BTN2A1: variants seen among roughly 807,000 people sequenced by gnomAD.
BTN2A1 encodes butyrophilin, subfamily 2, member A1.
BTN2A1 carries 41 observed loss-of-function variants against 34.5 expected under a neutral mutation model. That is an observed-to-expected ratio of 1.19 (90% CI 0.93 to 1.54). The LOEUF is 1.54. Ranked by LOEUF, BTN2A1 falls within the 40% of genes most tolerant of loss-of-function variation. The probability of loss-of-function intolerance (pLI) is 0.00; values close to 1 mark genes in which losing one functional copy is unlikely to be tolerated. For synonymous variants in BTN2A1, 267 were observed against 258.6 expected (o/e 1.03, Z -0.31); for missense variants, 642 against 662.0 (o/e 0.97, Z 0.33).
downstream of BTN2A1, among the ~76,000 whole-genome samples, chr6:26,473,250 T>G (rs1275327646): frequency 6.6e-6 from 1 of 152,112 alleles, no homozygotes; most frequent in African/African-American, 2.4e-5. Flanking sequence ...CAAGGACCCC[T>G]TACAAAGACA....
Position 26,466,075 on chromosome 6 carries a change from A to G in BTN2A1, c.969A>G (p.Thr323=). 6.2e-7 allele frequency: 1 copy of G among 1,613,958 alleles called. No homozygotes were observed. The highest frequency in any genetic ancestry group is 8.5e-7 in the Non-Finnish European group (1 of 1,180,038). Residue 323 remains threonine, a synonymous_variant, in exon 7 of 8, where the codon ACA becomes ACG. Coordinates refer to ENST00000312541, the MANE Select transcript of BTN2A1 (RefSeq NM_007049.5). ...TGTCCCTTGCAGGATGGAGAAGAAC[A>G]TTCTTACATGCTGGTGAGTGCCTCT... The part of the protein sequence containing the change: ...KLQEELRWRR[T]FLHAVDVVLD...
intron 3 of BTN2A1, among the ~76,000 whole-genome samples, chr6:26,461,359 G>T (rs537176634): frequency 8.5e-5 from 13 of 152,294 alleles, no homozygotes; most frequent in African/African-American, 2.9e-4. Context: ...AATCTATTTT[G>T]TCATGCTTGC....
At chr6:26,472,857 A>G (rs1763475087), downstream of BTN2A1, among the ~76,000 whole-genome samples, 1 of 152,130 alleles carries the variant, frequency 6.6e-6, no homozygotes, top group Admixed American at 6.5e-5. Flanking sequence ...AAGGCAGGAA[A>G]GCTCCCCCTG....
At chr6:26,467,861 A>T (rs746367064) in intron 7 of BTN2A1, 87 bp from the exon 8 acceptor site, 2 of 1,564,598 alleles carry the variant, frequency 1.3e-6, no homozygotes, top group Non-Finnish European at 1.7e-6. Flanking sequence ...CCCTTCAGAG[A>T]TATCTGAGAC....
rs973263035 is a variant in BTN2A1 at position 26,469,586 on chromosome 6, G to C, written c.*1037G>C. On this transcript the variant is annotated 3_prime_UTR_variant, in exon 8 of 8. Coordinates refer to ENST00000312541, the MANE Select transcript of BTN2A1 (RefSeq NM_007049.5). ...ATAGGTTAATATAAGTAGAATGTTT[G>C]TGAAAAATAAGTATGGTATCCAAAG... 6.4e-6 allele frequency: 1 copy of C among 157,188 alleles called. No homozygotes were observed. The highest frequency in any genetic ancestry group is 1.4e-5 in the Non-Finnish European group (1 of 72,642). 9.7% of individuals were successfully genotyped at this position (157,188 alleles called of 1,614,324 possible). A position where few individuals can be genotyped will look rare whatever the true frequency, so the allele number is the denominator to read the frequency against.
intron 3 of BTN2A1, 102 bp from the exon 4 acceptor site, chr6:26,463,142 C>A: frequency 7.4e-7 from 1 of 1,360,336 alleles, no homozygotes. Flanking sequence ...CTATCTCCCT[C>A]TTTTTTACCT....
chr6:26,463,293 C>T lies in BTN2A1; in HGVS notation c.480C>T (p.Gly160=). ...CAATGAGGGGCCATGAAGACGGGGGCATCCGGCTGGAGTGCATATCTAGAG... is the reference window on the plus strand; with the variant it reads ...CAATGAGGGGCCATGAAGACGGGGGTATCCGGCTGGAGTGCATATCTAGAG... The part of the protein sequence containing the change: ...LISMRGHEDG[G]IRLECISRGW... The change falls in exon 4 of 8, where the codon GGC becomes GGT. Residue 160 remains glycine (G), a synonymous_variant. Transcript: ENST00000312541. The T allele has an allele frequency of 6.2e-7, 1 of 1,613,486 alleles. No individual in the cohort carries two copies. Among genetic ancestry groups the T allele is most frequent in the Admixed American group, 1.7e-5 (1 of 59,986 alleles).
chr6:26,469,943 A>G (rs1329152551), downstream of BTN2A1, among the ~76,000 whole-genome samples: 3 of 152,130 alleles, frequency 2.0e-5, no homozygotes, highest in African/African-American at 7.2e-5. Flanking sequence ...TCAGGAGACT[A>G]AAAAGACTAA....
At chr6:26,459,319 T>C (rs1473572459) in intron 2 of BTN2A1, among the ~76,000 whole-genome samples, 162 bp from the exon 3 acceptor site, 1 of 152,226 alleles carries the variant, frequency 6.6e-6, no homozygotes, top group East Asian at 1.9e-4. Flanking sequence ...CTCCCAGGGG[T>C]GCTGTCGACT....
chr6:26,470,756 C>T (rs1246959798), downstream of BTN2A1, among the ~76,000 whole-genome samples: 4 of 152,156 alleles, frequency 2.6e-5, no homozygotes, highest in African/African-American at 9.7e-5. Flanking sequence ...GTCTTTGGGA[C>T]TTATACCAGT....
intron 7 of BTN2A1, among the ~76,000 whole-genome samples, chr6:26,475,839 A>T (rs1218660584): frequency 2.0e-5 from 3 of 152,134 alleles, no homozygotes; most frequent in Non-Finnish European, 2.9e-5. Context: ...AGCATTTATG[A>T]TTGAAGTGAG....
At chr6:26,472,621 A>T (rs1263630806), downstream of BTN2A1, among the ~76,000 whole-genome samples, 1 of 152,120 alleles carries the variant, frequency 6.6e-6, no homozygotes, top group South Asian at 2.1e-4. Context: ...CAAGCAGGGG[A>T]CCTCTGGCCA....
At position 26,468,609 on chromosome 6, in the gene BTN2A1, C is replaced by T. The variant is rs530237137; in HGVS notation, c.*60C>T. 5.0e-6 allele frequency: 8 copies of T among 1,614,186 alleles called. No individual in the cohort carries two copies. The East Asian group carries it at 6.7e-5, about 13-fold the overall frequency. Reference sequence around the variant, plus strand: ...GCCCTGGTCATCTCAGCAGCCACCGCACAACACCCCTGGTGGAAGACACGC... The same window carrying T: ...GCCCTGGTCATCTCAGCAGCCACCGTACAACACCCCTGGTGGAAGACACGC... On this transcript the variant is annotated 3_prime_UTR_variant, in exon 8 of 8. Coordinates refer to ENST00000312541, the MANE Select transcript of BTN2A1 (RefSeq NM_007049.5).
chr6:26,461,025 G>A (rs1191947530), intron 3 of BTN2A1, among the ~76,000 whole-genome samples: 1 of 152,208 alleles, frequency 6.6e-6, no homozygotes, highest in Non-Finnish European at 1.5e-5. Flanking sequence ...GTGAGGACTA[G>A]GGAATTGGGT....
In BTN2A1 at chr6:26,468,751, G is replaced by T. The variant is rs1466070313; in HGVS notation, c.*202G>T. The T allele has an allele frequency of 6.2e-7, 1 of 1,609,782 alleles. No individual in the cohort carries two copies. The highest frequency in any genetic ancestry group is 1.1e-5 in the South Asian group (1 of 90,076). ...AGGCTGTGTTTTTAGTAGTTCCTTT[G>T]CTTGTAACTATGGGATGGGATCCAG... On this transcript the variant is annotated 3_prime_UTR_variant, in exon 8 of 8. Coordinates refer to ENST00000312541, the MANE Select transcript of BTN2A1 (RefSeq NM_007049.5).
At chr6:26,463,864 C>T (rs1763240853) in intron 4 of BTN2A1, among the ~76,000 whole-genome samples, 1 of 151,982 alleles carries the variant, frequency 6.6e-6, no homozygotes, top group African/African-American at 2.4e-5. Context: ...TGCAGTGGCA[C>T]AATCTTGGCT....
At chr6:26,462,989 G>A (rs1037476786) in intron 3 of BTN2A1, 38 of 1,055,410 alleles carry the variant, frequency 3.6e-5, no homozygotes, top group African/African-American at 9.7e-5. Context: ...TAGGTGGACC[G>A]CAAAGAAAAG....
chr6:26,463,738 T>C (rs1763236608), intron 4 of BTN2A1, among the ~76,000 whole-genome samples: 1 of 148,066 alleles, frequency 6.8e-6, no homozygotes, highest in Admixed American at 6.7e-5. Context: ...TCTCTGAGGG[T>C]AAACCTGTTT....
intron 3 of BTN2A1, chr6:26,462,845 G>A: frequency 7.8e-7 from 1 of 1,282,038 alleles, no homozygotes; most frequent in Non-Finnish European, 1.0e-6. Context: ...GAAGCAGAAA[G>A]TGAAATCCAA....
Sources: allele counts gnomAD v4.1 joint callset (sites outside exome capture counted in the v4.1 genomes callset), GRCh38; gene constraint gnomAD v4.1.1; transcripts MANE v1.5; gene names NCBI Gene and HGNC (gene_info 2026-07-23, HGNC 2026-07-21).